The following RNF212 variants were observed in gnomAD, a reference collection of about 807,000 sequenced individuals.
RNF212 encodes ring finger protein 212, also known as probable E3 SUMO-protein ligase RNF212.
RNF212 carries 33 observed loss-of-function variants against 34.7 expected under a neutral mutation model. That is an observed-to-expected ratio of 0.95 (90% CI 0.72 to 1.27). The LOEUF is 1.27. Ranked by LOEUF, RNF212 falls within the 50% of genes most tolerant of loss-of-function variation. RNF212 has a pLI of 0.00. For synonymous variants in RNF212, 140 were observed against 136.1 expected, an observed-to-expected ratio of 1.03 and a Z score of -0.20; for missense variants, 377 against 362.2, an observed-to-expected ratio of 1.04 and a Z score of -0.33.
chr4:1,056,767 CAGTT>C (rs1168582696), intron 4 of RNF212: 37 of 849,334 alleles, frequency 4.4e-5, no homozygotes, highest in Admixed American at 6.2e-5. Context: ...GGCACACACT[CAGTT>C]AAAGAGCTTC....
In RNF212 at chr4:1,081,411, C is replaced by T; in HGVS notation, c.464+8G>A. ...AGGTCCTGTGATTTCTGCAAGCAACCCACACACCTGTCGGGGGCTGATGAG... is the reference window on the plus strand; with the variant it reads ...AGGTCCTGTGATTTCTGCAAGCAACTCACACACCTGTCGGGGGCTGATGAG... On this transcript the variant is annotated splice_region_variant and intron_variant, in intron 7 of 9. Transcript: ENST00000433731. 2 of 1,613,204 alleles carry T rather than the reference C, an allele frequency of 1.2e-6. No individual in the cohort carries two copies. The highest frequency in any genetic ancestry group is 2.2e-5 in the South Asian group (2 of 91,046).
At chr4:1,086,064 T>C (rs1462009285) in intron 4 of RNF212, 110 bp from the exon 5 acceptor site, 5 of 815,576 alleles carry the variant, frequency 6.1e-6, no homozygotes, top group Admixed American at 3.7e-5. Context: ...CTGCATGGAG[T>C]TGCCCTCACG....
intron 5 of RNF212, among the ~76,000 whole-genome samples, chr4:1,082,811 G>T (rs1436750270): frequency 6.6e-6 from 1 of 152,242 alleles, no homozygotes; most frequent in Non-Finnish European, 1.5e-5. Context: ...GCTGCTGCGT[G>T]GCTGACTGTG....
rs530475339 is a variant in RNF212, at chr4:1,113,506, A to G, written c.-42T>C. The G allele has an allele frequency of 2.5e-5, 39 of 1,541,846 alleles. No individual in the cohort carries two copies. The Middle Eastern group carries it at 1.4e-3, about 56-fold the overall frequency. The stretch of plus-strand genomic sequence containing the variant: ...CAGCGGCGAGGCCGGGCCCACGCGA[A>G]GCCCACGCAAGGTTGGGACCAGCCT... On this transcript the variant is annotated 5_prime_UTR_variant, in exon 1 of 10. Coordinates refer to ENST00000433731, the MANE Select transcript of RNF212 (RefSeq NM_001131034.4).
intron 5 of RNF212, among the ~76,000 whole-genome samples, chr4:1,082,565 G>T (rs1382535630): frequency 6.6e-6 from 1 of 152,182 alleles, no homozygotes; most frequent in Non-Finnish European, 1.5e-5. Flanking sequence ...TCAACCACTG[G>T]GGCCTCCGCT....
chr4:1,083,333 G>T (rs1397899892), intron 5 of RNF212, among the ~76,000 whole-genome samples: 2 of 152,158 alleles, frequency 1.3e-5, no homozygotes, highest in East Asian at 1.9e-4. Flanking sequence ...AATGTTAACT[G>T]TAATGGACAG....
At position 1,057,309 on chromosome 4, in the gene RNF212, C is replaced by G. The variant is rs192018387; in HGVS notation, n.221-806G>C. Among the ~76,000 whole-genome samples the G allele has an allele frequency of 9.9e-5, 15 of 152,166 alleles. 1 individual carries two copies. Among genetic ancestry groups the G allele is most frequent in the Admixed American group, 8.5e-4 (13 of 15,274 alleles). ...TGGACTGCAGGCATCAAAAGCCACT[C>G]AAGGGCTCTGGGGGGCTGACATGGG... On this transcript the variant is annotated intron_variant and non_coding_transcript_variant, in intron 4 of 4. Transcript: ENST00000503206.
At chr4:1,082,268 G>C (rs569186340) in intron 5 of RNF212, among the ~76,000 whole-genome samples, 1 of 152,346 alleles carries the variant, frequency 6.6e-6, no homozygotes, top group East Asian at 1.9e-4. Context: ...GCCAGTAGCA[G>C]AGACCACCTG....
chr4:1,079,065 TGGGACCAACAC>T (rs1323957264), intron 8 of RNF212, among the ~76,000 whole-genome samples: 2 of 138,184 alleles, frequency 1.4e-5, no homozygotes, highest in Admixed American at 1.4e-4. Context: ...AGGACCAACA[TGGGACCAACAC>T]AGGGTCAACA....
chr4:1,073,039 C>A lies in RNF212; in HGVS notation c.729G>T (p.Arg243Ser), dbSNP rs1417667235. Residue 243 changes from arginine (R) to serine (S), a missense_variant, in exon 10 of 10, where the codon AGG becomes AGT. By Grantham distance (110) the Arg-to-Ser change is moderately radical (BLOSUM62 -1). Transcript: ENST00000433731. ...TTTTAGAGTTGGTGAGTTCCCCGTG[C>A]CTTCCAGAACTGAACGCTAGGAGGA... ...WLLLLAFSSG[R>S]HGELTNSKTL... 1.2e-6 allele frequency: 2 copies of A among 1,613,988 alleles called. No homozygotes were observed. Among genetic ancestry groups the A allele is most frequent in the Non-Finnish European group, 1.7e-6 (2 of 1,179,986 alleles).
At chr4:1,109,819 T>C (rs895176435) in intron 1 of RNF212, among the ~76,000 whole-genome samples, 1 of 152,212 alleles carries the variant, frequency 6.6e-6, no homozygotes, top group African/African-American at 2.4e-5. Context: ...AAGCCCAGGC[T>C]TTCACTTGTG....
chr4:1,060,239 A>T (rs1473880775), intron 3 of RNF212, among the ~76,000 whole-genome samples: 1 of 152,244 alleles, frequency 6.6e-6, no homozygotes, highest in Non-Finnish European at 1.5e-5. Context: ...GCAGTGCTCA[A>T]GAGAGCCAAG....
At chr4:1,113,324 C>T (rs1431492041) in intron 1 of RNF212, 32 bp downstream of exon 1, 1 of 1,502,484 alleles carries the variant, frequency 6.7e-7, no homozygotes, top group African/African-American at 1.7e-5. Context: ...CGCTCCCCTC[C>T]CCTCTCCAGC....
rs1329241403 is a variant in RNF212, at chr4:1,113,400, A to C, written c.65T>G (p.Leu22Arg). 1.2e-6 allele frequency: 2 copies of C among 1,602,518 alleles called. No individual in the cohort carries two copies. The highest frequency in any genetic ancestry group is 3.4e-5 in the Admixed American group (2 of 58,974). Reference sequence around the variant, plus strand: ...GCAGTACACGTGCCCGCAGTTGGTGAGGCTGAAGCACGACGTCCTGTGGGG... The same window carrying C: ...GCAGTACACGTGCCCGCAGTTGGTGCGGCTGAAGCACGACGTCCTGTGGGG... ...QPPHRTSCFS[L>R]TNCGHVYCDA... The change falls in exon 1 of 10, where the codon CTC becomes CGC. Residue 22 changes from leucine (L) to arginine (R), a missense_variant. Physicochemically the swap from Leu to Arg is moderately radical, Grantham distance 102. Coordinates refer to ENST00000433731, the MANE Select transcript of RNF212 (RefSeq NM_001131034.4).
chr4:1,097,275 T>C (rs1398973009), intron 2 of RNF212, among the ~76,000 whole-genome samples: 2 of 151,986 alleles, frequency 1.3e-5, no homozygotes, highest in Non-Finnish European at 2.9e-5. Context: ...AAAAAGCAAA[T>C]GTAAGGACCT....
Position 1,096,884 on chromosome 4 carries a change from C to T in RNF212, c.172-45G>A, listed in dbSNP as rs372944744. 3.0e-5 allele frequency: 41 copies of T among 1,385,868 alleles called. No individual in the cohort carries two copies. In the African/African-American group the frequency reaches 3.1e-4, roughly 10 times the overall value. 85.8% of individuals were successfully genotyped at this position (1,385,868 alleles called of 1,614,324 possible). On this transcript the variant is annotated intron_variant, in intron 2 of 9. Coordinates refer to ENST00000433731, the MANE Select transcript of RNF212 (RefSeq NM_001131034.4). ...CTCTACATTTATTGTGTCTAATAAA[C>T]GCTTCTGGCCCCCAGTTAAAAACTG...
At chr4:1,077,019 G>A (rs1367735449) in intron 8 of RNF212, among the ~76,000 whole-genome samples, 5 of 152,216 alleles carry the variant, frequency 3.3e-5, no homozygotes, top group Non-Finnish European at 7.3e-5. Context: ...CACAAGGTCA[G>A]GAGTTCGAGA....
At chr4:1,098,041 G>C (rs646117) in intron 2 of RNF212, among the ~76,000 whole-genome samples, 28,086 of 152,056 alleles carry the variant, frequency 0.18, 4,207 homozygotes, top group African/African-American at 0.42. Context: ...CTCCAGCCTG[G>C]GCAACAGAGC....
chr4:1,082,512 G>C (rs1720515268), intron 5 of RNF212, among the ~76,000 whole-genome samples: 1 of 152,220 alleles, frequency 6.6e-6, no homozygotes, highest in Admixed American at 6.5e-5. Context: ...AGCAGTTTCA[G>C]TTTGGGACCA....
Sources: allele counts gnomAD v4.1 joint callset (sites outside exome capture counted in the v4.1 genomes callset), GRCh38; gene constraint gnomAD v4.1.1; transcripts MANE v1.5; gene names NCBI Gene and HGNC (gene_info 2026-07-23, HGNC 2026-07-21).